The following ADGB variants were observed in gnomAD, a reference collection of about 807,000 sequenced individuals.
ADGB encodes androglobin.
In ADGB, 172 loss-of-function variants were observed where a neutral mutation model predicts 210.5. The observed-to-expected ratio is 0.82, with a 90% CI of 0.72 to 0.93. The LOEUF is 0.93. Among genes scored for constraint, ADGB ranks in the 40% least tolerant of loss-of-function variants. The pLI is 0.00. For synonymous variants in ADGB, 658 were observed against 662.7 expected (o/e 0.99, Z 0.11); for missense variants, 2,025 against 1,964.8 (o/e 1.03, Z -0.58).
In ADGB at chr6:146,716,373, T is replaced by C. The variant is rs1182855228; in HGVS notation, c.1742-510T>C. Among the ~76,000 whole-genome samples the C allele has an allele frequency of 1.0e-3, 130 of 127,716 alleles. 6 individuals carry two copies. Among genetic ancestry groups the C allele is most frequent in the Admixed American group, 4.9e-3 (70 of 14,296 alleles). The allele number at this position is 127,716 out of a possible 152,430, so 83.8% of individuals were successfully genotyped here. A position where few individuals can be genotyped will look rare whatever the true frequency, so the allele number is the denominator to read the frequency against. On this transcript the variant is annotated intron_variant, in intron 14 of 35. Coordinates refer to ENST00000397944, the MANE Select transcript of ADGB (RefSeq NM_024694.4). ...TTGGGAGGCCGAGGCGGGTGGATCA[T>C]GAGGTCAGGAGATCGAGACCATCCT...
intron 12 of ADGB, among the ~76,000 whole-genome samples, chr6:146,697,114 AG>A (rs200078551): frequency 6.6e-6 from 1 of 152,154 alleles, no homozygotes; most frequent in Non-Finnish European, 1.5e-5. Flanking sequence ...ATGAAGAGAA[AG>A]GGGGAAGGAG....
intron 3 of ADGB, among the ~76,000 whole-genome samples, chr6:146,651,322 A>C (rs1339405555): frequency 6.6e-6 from 1 of 152,180 alleles, no homozygotes; most frequent in African/African-American, 2.4e-5. Flanking sequence ...TGAAACACAC[A>C]GTGTCTCACA....
Position 146,691,137 on chromosome 6 carries a change from A to T in ADGB, c.1333A>T (p.Arg445Ter). 1 of 1,534,800 alleles carries T rather than the reference A, an allele frequency of 6.5e-7. No homozygotes were observed. Among genetic ancestry groups the T allele is most frequent in the Non-Finnish European group, 8.8e-7 (1 of 1,140,532 alleles). The change falls in exon 11 of 36, where the codon AGA (arginine) becomes TGA (stop). Residue 445 changes from arginine (R) to a stop codon, truncating the protein, a stop_gained. Coordinates refer to ENST00000397944, the MANE Select transcript of ADGB (RefSeq NM_024694.4). LOFTEE classifies it high-confidence loss of function. ...CTAGGCAGATTCTGCTGAGAAACTT[A>T]GAGAATATGGGCTTTCCCACATCTG... is the stretch of plus-strand genomic sequence containing the variant. ...EKMADSAEKL[R>*]EYGLSHICSH...
At chr6:146,665,178 G>T (rs749000274) in intron 6 of ADGB, among the ~76,000 whole-genome samples, 5 of 152,006 alleles carry the variant, frequency 3.3e-5, no homozygotes, top group African/African-American at 7.2e-5. Flanking sequence ...TTAGAGATTT[G>T]CTCACAGCTC....
At chr6:146,695,703 T>C (rs1468004125) in intron 12 of ADGB, among the ~76,000 whole-genome samples, 1 of 151,996 alleles carries the variant, frequency 6.6e-6, no homozygotes, top group East Asian at 1.9e-4. Flanking sequence ...ATTTTCATCA[T>C]TGCATAAGTT....
At chr6:146,712,047 A>G (rs1364624133) in intron 13 of ADGB, among the ~76,000 whole-genome samples, 13 of 131,376 alleles carry the variant, frequency 9.9e-5, no homozygotes, top group African/African-American at 3.3e-4. Flanking sequence ...ACAGAGCCAG[A>G]TCCTGTCAAA....
chr6:146,726,188 C>A lies in ADGB; in HGVS notation c.2343C>A (p.Asn781Lys). Residue 781 changes from asparagine (N) to lysine (K), a missense_variant, in exon 19 of 36, where the codon AAC becomes AAA. Physicochemically the swap from Asn to Lys is moderately conservative, Grantham distance 94. Transcript: ENST00000397944. ...GGGATGAACACGTTGTACTGCCCAACTTTGAACCAGTAAGTATTTTTGCAA... is the reference window on the plus strand; with the variant it reads ...GGGATGAACACGTTGTACTGCCCAAATTTGAACCAGTAAGTATTTTTGCAA... ...VIGDEHVVLP[N>K]FEPESCRFTE... is the part of the protein sequence containing the mutation. The A allele has an allele frequency of 1.3e-6, 2 of 1,542,524 alleles. No individual in the cohort carries two copies. Among genetic ancestry groups the A allele is most frequent in the South Asian group, 1.2e-5 (1 of 83,762 alleles).
At chr6:146,736,431 C>A in intron 22 of ADGB, 67 bp from the exon 23 acceptor site, 1 of 1,041,570 alleles carries the variant, frequency 9.6e-7, no homozygotes, top group Non-Finnish European at 1.4e-6. Context: ...AAAATGAAGG[C>A]TTTGGACAAG....
intron 5 of ADGB, among the ~76,000 whole-genome samples, chr6:146,661,377 C>T (rs557231393): frequency 1.7e-4 from 26 of 151,580 alleles, no homozygotes; most frequent in African/African-American, 3.9e-4. Context: ...GCCATCATCA[C>T]GCCTGACTAA....
intron 5 of ADGB, among the ~76,000 whole-genome samples, chr6:146,661,224 T>C (rs59138227): frequency 2.5e-4 from 35 of 137,780 alleles, no homozygotes; most frequent in African/African-American, 9.7e-4. Flanking sequence ...TTTTTTCTTT[T>C]TTTTTTTTTT....
At chr6:146,600,912 C>G (rs567895641) in intron 1 of ADGB, among the ~76,000 whole-genome samples, 47 of 133,302 alleles carry the variant, frequency 3.5e-4, no homozygotes, top group African/African-American at 1.3e-3. Flanking sequence ...TTTGAGTACA[C>G]CCCTCCCCCA....
intron 1 of ADGB, among the ~76,000 whole-genome samples, chr6:146,626,690 T>C (rs930740655): frequency 6.6e-6 from 1 of 152,006 alleles, no homozygotes; most frequent in Non-Finnish European, 1.5e-5. Flanking sequence ...TTAACTGCTT[T>C]TAAAATTTTT....
chr6:146,626,958 G>C (rs1007405531), intron 1 of ADGB, among the ~76,000 whole-genome samples: 1 of 151,514 alleles, frequency 6.6e-6, no homozygotes, highest in East Asian at 1.9e-4. Context: ...TTTTTATTTT[G>C]AATTATTTTT....
intron 17 of ADGB, 54 bp downstream of exon 17, chr6:146,721,559 A>AG (rs11273150): frequency 1.6e-6 from 2 of 1,248,580 alleles, no homozygotes; most frequent in East Asian, 2.5e-5. Context: ...TGTTCAGGCT[A>AG]GGGCGTGGTG....
intron 27 of ADGB, among the ~76,000 whole-genome samples, chr6:146,758,912 T>C (rs1376901138): frequency 6.6e-6 from 1 of 151,988 alleles, no homozygotes; most frequent in African/African-American, 2.4e-5. Context: ...ACTATTATTG[T>C]ACATTAGATA....
At chr6:146,672,149 T>G in intron 7 of ADGB, 71 bp from the exon 8 acceptor site, 1 of 1,435,500 alleles carries the variant, frequency 7.0e-7, no homozygotes, top group South Asian at 1.6e-5. Flanking sequence ...TTTCTGTCAG[T>G]AATTTCTTGC....
intron 1 of ADGB, among the ~76,000 whole-genome samples, chr6:146,614,191 CCCTCCCTCCCTT>C (rs1171386696): frequency 3.4e-5 from 4 of 118,824 alleles, no homozygotes; most frequent in Non-Finnish European, 5.3e-5. Flanking sequence ...CTCCCTCCCT[CCCTCCCTCCCTT>C]CCTCCCTTCC....
intron 1 of ADGB, among the ~76,000 whole-genome samples, chr6:146,629,119 G>GTTTAAATATTGAAATA (rs1781023144): frequency 6.6e-6 from 1 of 152,172 alleles, no homozygotes; most frequent in Admixed American, 6.5e-5. Context: ...CATACAGTGA[G>GTTTAAATATTGAAATA]TTTAAATATT....
chr6:146,695,910 G>A (rs1776395327), intron 12 of ADGB, among the ~76,000 whole-genome samples: 1 of 151,956 alleles, frequency 6.6e-6, no homozygotes, highest in Non-Finnish European at 1.5e-5. Flanking sequence ...AAGACCAGTT[G>A]AATGTAATTG....
Sources: gnomAD v4.1 joint callset for allele counts (sites outside exome capture counted in the v4.1 genomes callset) on GRCh38, gnomAD v4.1.1 for gene constraint, MANE v1.5 for transcripts, NCBI Gene and HGNC (gene_info 2026-07-23, HGNC 2026-07-21) for gene names.